The following DOP1A variants were observed in gnomAD, a reference collection of about 807,000 sequenced individuals.
The protein encoded by DOP1A is DOP1 leucine zipper like protein A.
Under a neutral mutation model 267.6 loss-of-function variants are expected in DOP1A, and 90 were observed. The observed-to-expected ratio is 0.34, with a 90% CI of 0.28 to 0.40. The LOEUF is 0.40. DOP1A is among the 10% of genes least tolerant of loss of function. The probability of loss-of-function intolerance (pLI) is 1.00; values close to 1 mark genes in which losing one functional copy is unlikely to be tolerated. For missense variants in DOP1A, 2,437 were observed against 2,900.4 expected (o/e 0.84, Z 3.67); for synonymous variants, 932 against 999.1 (o/e 0.93, Z 1.27).
intron 5 of DOP1A, 88 bp downstream of exon 5, chr6:83,109,168 A>G: frequency 8.2e-7 from 1 of 1,219,816 alleles, no homozygotes. Context: ...AACATCACAA[A>G]TGAATTATTC....
intron 38 of DOP1A, chr6:83,164,918 A>T (rs2128446139): frequency 3.9e-6 from 2 of 510,946 alleles, no homozygotes; most frequent in East Asian, 6.7e-5. Flanking sequence ...GACAATACAT[A>T]TAGTTCTGAT....
At chr6:83,134,371 G>C in intron 19 of DOP1A, 84 bp downstream of exon 19, 1 of 1,093,564 alleles carries the variant, frequency 9.1e-7, no homozygotes, top group Non-Finnish European at 1.3e-6. Context: ...AGCTTGGCAA[G>C]TGTAGGAGAT....
Position 83,154,324 on chromosome 6 carries a change from T to C in DOP1A, c.6451+83T>C, listed in dbSNP as rs1286058076. On this transcript the variant is annotated intron_variant, in intron 33 of 38. Transcript: ENST00000349129. The stretch of plus-strand genomic sequence containing the variant: ...TTTACTTGTACTCTTTTCTGGAGAC[T>C]AGGAGACTACTGAATTAGCTCTTTG... The C allele has an allele frequency of 9.4e-6, 12 of 1,274,576 alleles. 1 individual carries two copies. The Admixed American group carries it at 2.1e-4, about 23-fold the overall frequency. The allele number at this position is 1,274,576 out of a possible 1,614,324, so 79.0% of individuals were successfully genotyped here. A position where few individuals can be genotyped will look rare whatever the true frequency, so the allele number is the denominator to read the frequency against.
At chr6:83,146,503 A>C (rs951191144) in intron 25 of DOP1A, among the ~76,000 whole-genome samples, 3 of 152,160 alleles carry the variant, frequency 2.0e-5, no homozygotes, top group Non-Finnish European at 4.4e-5. Context: ...TTGAGTACCT[A>C]TTTGTGCCAG....
At chr6:83,139,310 AT>A in intron 21 of DOP1A, 148 bp downstream of exon 21, 1 of 597,380 alleles carries the variant, frequency 1.7e-6, no homozygotes, top group Non-Finnish European at 2.9e-6. Flanking sequence ...AAAAAAGAAA[AT>A]TTGACTTGAG....
At chr6:83,088,471 G>A (rs1199213741) in intron 1 of DOP1A, among the ~76,000 whole-genome samples, 1 of 138,138 alleles carries the variant, frequency 7.2e-6, no homozygotes, top group Non-Finnish European at 1.5e-5. Flanking sequence ...TCCCCAGGCT[G>A]GAGTGCAGTG....
intron 1 of DOP1A, among the ~76,000 whole-genome samples, chr6:83,093,190 C>T (rs1301187226): frequency 6.6e-6 from 1 of 152,240 alleles, no homozygotes; most frequent in East Asian, 1.9e-4. Context: ...GATGTTCTCT[C>T]TAGTCAGCAC....
Position 83,118,922 on chromosome 6 carries a change from C to G in DOP1A, c.815C>G (p.Ala272Gly). 1.2e-6 allele frequency: 2 copies of G among 1,613,650 alleles called. No homozygotes were observed. The highest frequency in any genetic ancestry group is 1.7e-6 in the Non-Finnish European group (2 of 1,179,680). ...CCGGATATGATCAGGATCTTGTCAG[C>G]AGCCCTTCATGTAGTGCTAAGGAGG... ...TRPDMIRILS[A>G]ALHVVLRRDM... The change falls in exon 8 of 39, where the codon GCA becomes GGA. Residue 272 changes from alanine to glycine, a missense_variant. Ala to Gly is a moderately conservative substitution (Grantham distance 60). Around this residue, in one of 9 missense-constraint regions of DOP1A, gnomAD observed 251 missense variants for 359.1 expected, o/e 0.70. Transcript: ENST00000349129.
intron 38 of DOP1A, chr6:83,167,215 G>C (rs141200751): frequency 2.2e-6 from 2 of 921,822 alleles, no homozygotes; most frequent in African/African-American, 3.6e-5. Context: ...GGTGCCGTAA[G>C]TATGGCAGAG....
intron 4 of DOP1A, 52 bp downstream of exon 4, chr6:83,100,938 C>A: frequency 1.7e-6 from 2 of 1,175,212 alleles, no homozygotes; most frequent in South Asian, 3.1e-5. Flanking sequence ...AAATGTATTG[C>A]TAAACTATTT....
intron 6 of DOP1A, among the ~76,000 whole-genome samples, chr6:83,110,516 G>A (rs1307977325): frequency 6.6e-6 from 1 of 152,146 alleles, no homozygotes; most frequent in East Asian, 1.9e-4. Flanking sequence ...TCTCACCTTG[G>A]CCTCATAGCC....
intron 1 of DOP1A, among the ~76,000 whole-genome samples, chr6:83,090,777 G>A (rs1248822525): frequency 6.6e-6 from 1 of 152,064 alleles, no homozygotes; most frequent in Non-Finnish European, 1.5e-5. Context: ...AAATATGGGG[G>A]AAAATGACTG....
intron 38 of DOP1A, chr6:83,167,419 TTAAC>T (rs1359423591): frequency 1.0e-6 from 1 of 982,066 alleles, no homozygotes; most frequent in East Asian, 1.1e-4. Flanking sequence ...TAAAAGGGAA[TTAAC>T]TAATTATAAT....
intron 24 of DOP1A, among the ~76,000 whole-genome samples, chr6:83,144,639 G>C (rs546320336): frequency 1.3e-5 from 2 of 152,052 alleles, no homozygotes; most frequent in Non-Finnish European, 2.9e-5. Context: ...TGAGAGGATA[G>C]GTAGAAAAGT....
chr6:83,098,281 C>T (rs1771880642), intron 3 of DOP1A, among the ~76,000 whole-genome samples: 1 of 152,190 alleles, frequency 6.6e-6, no homozygotes, highest in Admixed American at 6.5e-5. Context: ...TTTTCCTCTG[C>T]TCTCACCACG....
intron 1 of DOP1A, among the ~76,000 whole-genome samples, chr6:83,081,026 A>G (rs1293723830): frequency 6.6e-6 from 1 of 152,226 alleles, no homozygotes; most frequent in African/African-American, 2.4e-5. Context: ...ATTGTAACCA[A>G]AATAACATGG....
In DOP1A at chr6:83,125,632, C is replaced by G. The variant is rs755716038; in HGVS notation, c.1618C>G (p.Leu540Val). 7 of 1,613,736 alleles carry G rather than the reference C, an allele frequency of 4.3e-6. No homozygotes were observed. In the African/African-American group the frequency reaches 9.3e-5, roughly 22 times the overall value. Residue 540 changes from leucine to valine, a missense_variant, in exon 15 of 39, where the codon CTT (leucine) becomes GTT (valine). This residue lies in a region of DOP1A where 498 missense variants were observed against 513.5 expected (regional missense o/e 0.97). Transcript: ENST00000349129. Reference protein sequence around the residue: ...TDSLRLCSKILSKVQPPLLSA... With the variant: ...TDSLRLCSKIVSKVQPPLLSA... ...TTCTCTCAGACTCTGCTCAAAGATC[C>G]TTAGCAAGGTTCAGCCTCCACTGTT...
chr6:83,168,310 G>C lies in DOP1A; in HGVS notation c.*143G>C. The C allele has an allele frequency of 7.0e-7, 1 of 1,427,464 alleles. No homozygotes were observed. Among genetic ancestry groups the C allele is most frequent in the Non-Finnish European group, 9.1e-7 (1 of 1,097,234 alleles). 88.4% of individuals were successfully genotyped at this position (1,427,464 alleles called of 1,614,324 possible). A position where few individuals can be genotyped will look rare whatever the true frequency, so the allele number is the denominator to read the frequency against. ...ATTTAATTTAAATATTTGTATATAA[G>C]AGCAAATGTCTGAATGTGGCCTGAA... On this transcript the variant is annotated 3_prime_UTR_variant, in exon 39 of 39. Coordinates refer to ENST00000349129, the MANE Select transcript of DOP1A (RefSeq NM_015018.4).
In DOP1A at chr6:83,138,868, T is replaced by C; in HGVS notation, c.4826T>C (p.Phe1609Ser). 2 of 1,614,036 alleles carry C rather than the reference T, an allele frequency of 1.2e-6. No individual in the cohort carries two copies. The highest frequency in any genetic ancestry group is 1.7e-6 in the Non-Finnish European group (2 of 1,179,952). Residue 1609 changes from phenylalanine to serine, a missense_variant, in exon 21 of 39, where the codon TTT becomes TCT. Phe to Ser is a radical substitution (Grantham distance 155). Coordinates refer to ENST00000349129, the MANE Select transcript of DOP1A (RefSeq NM_015018.4). ...GAAGAGAATGAAACAGGTTTTGATT[T>C]TGTTGTATCTGACTTAGAACACATC... ...IPEENETGFD[F>S]VVSDLEHISP...
Sources: allele counts gnomAD v4.1 joint callset (sites outside exome capture counted in the v4.1 genomes callset), GRCh38; gene constraint gnomAD v4.1.1; regional missense constraint gnomAD v4.1.1; transcripts MANE v1.5; gene names NCBI Gene and HGNC (gene_info 2026-07-23, HGNC 2026-07-21).